Variants in ANKRD62 observed in about 807,000 individuals in gnomAD.
ANKRD62 encodes the protein ankyrin repeat domain 62.
A neutral mutation model predicts 98.8 loss-of-function variants in ANKRD62; 61 were observed. The observed-to-expected ratio is 0.62, with a 90% CI of 0.50 to 0.76. The LOEUF (loss-of-function observed/expected upper bound fraction) is 0.76, where lower values mean the gene tolerates loss of function less well. ANKRD62 is among the 30% of genes least tolerant of loss of function. The pLI, the probability that ANKRD62 is intolerant of heterozygous loss-of-function variation, is 0.00. For synonymous variants in ANKRD62, 341 were observed against 367.9 expected, an observed-to-expected ratio of 0.93 and a Z score of 0.84; for missense variants, 933 against 1,082.9, an observed-to-expected ratio of 0.86 and a Z score of 1.94.
At chr18:12,130,961 G>T (rs187110585), downstream of ANKRD62, among the ~76,000 whole-genome samples, 238 of 152,234 alleles carry the variant, frequency 1.6e-3, 1 homozygote, top group Admixed American at 0.015. Context: ...AAGTGCTGGG[G>T]TTACAGGCGT....
At position 12,095,258 on chromosome 18, in the gene ANKRD62, C is replaced by T; in HGVS notation, c.306C>T (p.Asp102=). Residue 102 remains aspartate (D), a synonymous_variant, in exon 2 of 14, where the codon GAC becomes GAT. Coordinates refer to ENST00000587848, the MANE Select transcript of ANKRD62 (RefSeq NM_001277333.2). The part of the protein sequence containing the change: ...VARKCQLNLT[D]SENRTALIKA... The stretch of plus-strand genomic sequence containing the variant: ...GAAAATGCCAGCTTAACCTCACTGA[C>T]AGTGAAAACAGGACAGCTCTGATCA... The T allele has an allele frequency of 6.5e-7, 1 of 1,539,716 alleles. No individual in the cohort carries two copies. The highest frequency in any genetic ancestry group is 8.7e-7 in the Non-Finnish European group (1 of 1,146,826).
At chr18:12,105,591 A>T (rs1175411159) in intron 7 of ANKRD62, among the ~76,000 whole-genome samples, 2 of 152,162 alleles carry the variant, frequency 1.3e-5, no homozygotes, top group Non-Finnish European at 2.9e-5. Flanking sequence ...TTACAGGGCC[A>T]CTTGCTGCCA....
intron 8 of ANKRD62, among the ~76,000 whole-genome samples, chr18:12,109,633 A>G (rs535759489): frequency 6.6e-6 from 1 of 152,256 alleles, no homozygotes; most frequent in South Asian, 2.1e-4. Context: ...CTTTATAATA[A>G]TCTGAATATT....
At chr18:12,177,397 G>T in the ANKRD62 span, among the ~76,000 whole-genome samples, 289 of 152,356 alleles carry the variant, frequency 1.9e-3, no homozygotes, top group African/African-American at 6.9e-3. Context: ...GGGGGCCATG[G>T]AGTCACAAGA....
At chr18:12,140,226 G>A in the ANKRD62 span, among the ~76,000 whole-genome samples, 2 of 152,192 alleles carry the variant, frequency 1.3e-5, no homozygotes, top group East Asian at 1.9e-4. Context: ...CTCTGCATTG[G>A]TTATTCTAGT....
chr18:12,117,907 CTT>C (rs1245268793), intron 10 of ANKRD62, among the ~76,000 whole-genome samples: 2 of 152,128 alleles, frequency 1.3e-5, no homozygotes, highest in East Asian at 1.9e-4. Context: ...ATTATAAAGA[CTT>C]TATTTATCAG....
the ANKRD62 span, among the ~76,000 whole-genome samples, chr18:12,164,642 A>G: frequency 2.6e-5 from 4 of 151,816 alleles, no homozygotes; most frequent in Admixed American, 2.6e-4. Flanking sequence ...TCTCTCTAGT[A>G]CTGCTTTTGC....
At chr18:12,138,423 A>G in the ANKRD62 span, among the ~76,000 whole-genome samples, 1 of 152,154 alleles carries the variant, frequency 6.6e-6, no homozygotes, top group Non-Finnish European at 1.5e-5. Flanking sequence ...GTTTGTTATA[A>G]TTTCTGTTCT....
chr18:12,164,860 G>A, the ANKRD62 span, among the ~76,000 whole-genome samples: 1 of 151,916 alleles, frequency 6.6e-6, no homozygotes, highest in Admixed American at 6.6e-5. Flanking sequence ...TGGGACATAT[G>A]TTCAATGCTG....
the ANKRD62 span, among the ~76,000 whole-genome samples, chr18:12,175,065 G>A: frequency 7.2e-5 from 11 of 152,346 alleles, no homozygotes; most frequent in East Asian, 2.1e-3. Context: ...GCCCCGCTGT[G>A]GGCATTCACC....
At chr18:12,138,121 C>G in the ANKRD62 span, among the ~76,000 whole-genome samples, 1 of 152,090 alleles carries the variant, frequency 6.6e-6, no homozygotes, top group African/African-American at 2.4e-5. Flanking sequence ...TTCTCTAGTT[C>G]TTTTAATTGT....
At chr18:12,171,538 T>C in the ANKRD62 span, among the ~76,000 whole-genome samples, 2 of 152,202 alleles carry the variant, frequency 1.3e-5, no homozygotes, top group Non-Finnish European at 2.9e-5. Context: ...CCTTTGTGGG[T>C]CAACCCAACC....
chr18:12,154,125 G>A, the ANKRD62 span, among the ~76,000 whole-genome samples: 2 of 152,278 alleles, frequency 1.3e-5, no homozygotes, highest in South Asian at 2.1e-4. Context: ...AAAATTAAGA[G>A]CTTCTGCATG....
the ANKRD62 span, among the ~76,000 whole-genome samples, chr18:12,138,328 T>G: frequency 1.3e-5 from 2 of 152,366 alleles, no homozygotes; most frequent in East Asian, 3.9e-4. Context: ...AGGAGCAGGT[T>G]GTTCAGTTTC....
chr18:12,158,690 A>ATT, the ANKRD62 span, among the ~76,000 whole-genome samples: 7,622 of 132,284 alleles, frequency 0.058, 615 homozygotes, highest in African/African-American at 0.18. Context: ...TGCCTGGCTA[A>ATT]TTTTTTTTTT....
the ANKRD62 span, among the ~76,000 whole-genome samples, chr18:12,168,071 C>A: frequency 6.6e-6 from 1 of 152,036 alleles, no homozygotes; most frequent in Admixed American, 6.6e-5. Context: ...AAATTTTCTC[C>A]CATTCTGTAG....
rs1909960479 is a variant in ANKRD62 at position 12,129,387 on chromosome 18, A to G, written c.*1448A>G. On this transcript the variant is annotated 3_prime_UTR_variant, in exon 14 of 14. Transcript: ENST00000587848. ...AACTCAACACTACAGTTACAGCACA[A>G]AAGTAGCCGTAAACAATATGCAGAC... The G allele has an allele frequency of 6.6e-6, 1 of 152,208 alleles. No homozygotes were observed. The highest frequency in any genetic ancestry group is 1.5e-5 in the Non-Finnish European group (1 of 68,040). 9.4% of individuals were successfully genotyped at this position (152,208 alleles called of 1,614,324 possible).
At chr18:12,134,571 G>T (rs1451912495), downstream of ANKRD62, among the ~76,000 whole-genome samples, 1 of 152,000 alleles carries the variant, frequency 6.6e-6, no homozygotes, top group Non-Finnish European at 1.5e-5. Context: ...TCCCCTTCCT[G>T]TGTCCAGGTG....
chr18:12,117,448 T>G (rs1367802145), intron 10 of ANKRD62, among the ~76,000 whole-genome samples: 1 of 152,174 alleles, frequency 6.6e-6, no homozygotes, highest in Non-Finnish European at 1.5e-5. Context: ...CTGGGATGAC[T>G]TTTATTTCTT....
Sources: gnomAD v4.1 joint callset for allele counts (sites outside exome capture counted in the v4.1 genomes callset) on GRCh38, gnomAD v4.1.1 for gene constraint, MANE v1.5 for transcripts, NCBI Gene and HGNC (gene_info 2026-07-23, HGNC 2026-07-21) for gene names.